DIP2C: variants seen among roughly 807,000 people sequenced by gnomAD.
DIP2C encodes DIP2 acetate--CoA ligase C (putative).
DIP2C carries 33 observed loss-of-function variants against 192.4 expected under a neutral mutation model. The ratio of observed to expected loss-of-function variants is 0.17; its 90% CI spans 0.13 to 0.23. The LOEUF (loss-of-function observed/expected upper bound fraction) is 0.23. Among genes scored for constraint, DIP2C ranks in the 10% least tolerant of loss-of-function variants. The pLI, the probability that DIP2C is intolerant of heterozygous loss-of-function variation, is 1.00. For missense variants in DIP2C, 1,537 were observed against 2,110.1 expected (o/e 0.73, Z 5.32); for synonymous variants, 979 against 864.1 (o/e 1.13, Z -2.33).
chr10:372,438 G>A (rs1473504759), intron 17 of DIP2C, among the ~76,000 whole-genome samples: 1 of 152,136 alleles, frequency 6.6e-6, no homozygotes, highest in African/African-American at 2.4e-5. Context: ...TTTAATAATT[G>A]AATATGTTAA....
intron 17 of DIP2C, among the ~76,000 whole-genome samples, chr10:377,146 T>C (rs1017195195): frequency 5.3e-5 from 8 of 151,860 alleles, no homozygotes; most frequent in Non-Finnish European, 1.2e-4. Flanking sequence ...GCGCAGTTTT[T>C]TTTTTTTTTT....
chr10:311,417 G>T, intron 31 of DIP2C: 3 of 874,654 alleles, frequency 3.4e-6, no homozygotes, highest in Non-Finnish European at 4.5e-6. Flanking sequence ...TGATCACAGG[G>T]CCTGCAGACC....
At chr10:457,061 T>TA (rs2133361538) in intron 3 of DIP2C, among the ~76,000 whole-genome samples, 1 of 152,316 alleles carries the variant, frequency 6.6e-6, no homozygotes, top group East Asian at 1.9e-4. Context: ...CACCTCCAAT[T>TA]ACGGCACAAT....
chr10:420,797 C>A (rs531096447), intron 5 of DIP2C, among the ~76,000 whole-genome samples: 1 of 152,180 alleles, frequency 6.6e-6, no homozygotes, highest in East Asian at 1.9e-4. Context: ...TGAGAGACTC[C>A]GTGACCTGAG....
rs777201665 is a variant in DIP2C at position 408,937 on chromosome 10, G to A, written c.1138C>T (p.Pro380Ser). The A allele has an allele frequency of 5.0e-6, 8 of 1,614,040 alleles. No homozygotes were observed. Among genetic ancestry groups the A allele is most frequent in the Non-Finnish European group, 6.8e-6 (8 of 1,180,034 alleles). ...LGTKQEPMVRPGDRVALVFPN... is the reference protein window; with the variant it reads ...LGTKQEPMVRSGDRVALVFPN... ...TAAGTTGCACTTACCCTATCTCCAGGCCGGACCATGGGTTCCTGCTTTGTG... is the reference window on the plus strand; with the variant it reads ...TAAGTTGCACTTACCCTATCTCCAGACCGGACCATGGGTTCCTGCTTTGTG... The change falls in exon 9 of 37, where the codon CCT becomes TCT. Residue 380 changes from proline to serine, a missense_variant. Around this residue, in one of 4 missense-constraint regions of DIP2C, gnomAD observed 473 missense variants for 539.6 expected, o/e 0.88. Transcript: ENST00000280886.
intron 1 of DIP2C, among the ~76,000 whole-genome samples, chr10:681,669 G>A (rs1378892935): frequency 6.6e-6 from 1 of 152,216 alleles, no homozygotes; most frequent in Non-Finnish European, 1.5e-5. Flanking sequence ...ACATGGTACA[G>A]CCACCATCTA....
At chr10:590,891 G>A (rs377026653) in intron 1 of DIP2C, among the ~76,000 whole-genome samples, 6 of 152,190 alleles carry the variant, frequency 3.9e-5, no homozygotes, top group African/African-American at 1.4e-4. Context: ...AGCAGTGACT[G>A]CACCAGCTTC....
rs1854856350 is a variant in DIP2C at position 636,546 on chromosome 10, C to T, written c.85+52948G>A. The stretch of plus-strand genomic sequence containing the variant: ...CTAAGAATAAAGGACCCTCTGCAGC[C>T]GCAGAACCATCATCGGCAGACAAGA... On this transcript the variant is annotated intron_variant, in intron 1 of 36. Transcript: ENST00000280886. The surrounding 1 kb of genome is among the most constrained non-coding windows in gnomAD (Gnocchi z 4.6). 2.0e-5 allele frequency among the ~76,000 whole-genome samples: 3 copies of T among 152,166 alleles called. No homozygotes were observed. The highest frequency in any genetic ancestry group is 4.1e-4 in the South Asian group (2 of 4,824).
intron 28 of DIP2C, among the ~76,000 whole-genome samples, chr10:342,054 C>G (rs1958175735): frequency 6.6e-6 from 1 of 152,170 alleles, no homozygotes; most frequent in Non-Finnish European, 1.5e-5. Context: ...ATGAGTAAAC[C>G]TCACTCAGAA....
Position 590,639 on chromosome 10 carries a change from G to A in DIP2C, c.85+98855C>T, listed in dbSNP as rs540968225. 3.9e-5 allele frequency among the ~76,000 whole-genome samples: 6 copies of A among 152,338 alleles called. No individual in the cohort carries two copies. The South Asian group carries it at 1.2e-3, about 32-fold the overall frequency. On this transcript the variant is annotated intron_variant, in intron 1 of 36. Transcript: ENST00000280886. Reference sequence around the variant, plus strand: ...TTACTACAATCTTTAAACAGAGCCAGAGGCCATAGTCTGCTCCTACACAAC... The same window carrying A: ...TTACTACAATCTTTAAACAGAGCCAAAGGCCATAGTCTGCTCCTACACAAC...
Position 388,872 on chromosome 10 carries a change from G to A in DIP2C, c.1598-1063C>T, listed in dbSNP as rs148723134. On this transcript the variant is annotated intron_variant, in intron 13 of 36. Coordinates refer to ENST00000280886, the MANE Select transcript of DIP2C (RefSeq NM_014974.3). The stretch of plus-strand genomic sequence containing the variant: ...GTGCCCTGTCAGGAGCCTGGTCAAG[G>A]GGATGTCAGGGAGCCTCAGGGGGTC... Among the ~76,000 whole-genome samples the A allele has an allele frequency of 5.2e-3, 787 of 152,346 alleles. 2 individuals carry two copies. The highest frequency in any genetic ancestry group is 0.014 in the Middle Eastern group (4 of 294).
chr10:502,584 G>A (rs1232903617), intron 1 of DIP2C, among the ~76,000 whole-genome samples: 4 of 152,030 alleles, frequency 2.6e-5, no homozygotes, highest in East Asian at 1.9e-4. Flanking sequence ...AAAAGCCTAC[G>A]TATAAAAATT....
intron 2 of DIP2C, among the ~76,000 whole-genome samples, chr10:480,406 C>G (rs1211562233): frequency 1.3e-5 from 2 of 151,056 alleles, no homozygotes; most frequent in East Asian, 3.9e-4. Flanking sequence ...CCAGCCTGAG[C>G]CCCAGTCCAC....
chr10:639,201 A>ACACATGGGGATGTG (rs1321652174), intron 1 of DIP2C, among the ~76,000 whole-genome samples: 3 of 10,414 alleles, frequency 2.9e-4, no homozygotes, highest in African/African-American at 3.0e-4. Context: ...GCGTCAGGCC[A>ACACATGGGGATGTG]TCAGGGTGCT....
rs180888065 is a variant in DIP2C, at chr10:412,557, A to G, written c.1057+1356T>C. On this transcript the variant is annotated intron_variant, in intron 8 of 36. Transcript: ENST00000280886. ...CACACTGTCCATTTAAAACTACTCA[A>G]TGAAGCCATAAAAGCAAAGGGGCTA... Among the ~76,000 whole-genome samples, 598 of 152,316 alleles carry G rather than the reference A, an allele frequency of 3.9e-3. 4 individuals are homozygous for G. Among genetic ancestry groups the G allele is most frequent in the Middle Eastern group, 0.017 (5 of 294 alleles).
intron 29 of DIP2C, among the ~76,000 whole-genome samples, chr10:333,221 C>T (rs555311317): frequency 3.0e-4 from 45 of 152,242 alleles, no homozygotes; most frequent in Admixed American, 4.6e-4. Flanking sequence ...TTAAAACACC[C>T]GTCGGCTTTA....
At chr10:430,902 T>C (rs1027873700) in intron 4 of DIP2C, among the ~76,000 whole-genome samples, 2 of 152,234 alleles carry the variant, frequency 1.3e-5, no homozygotes, top group African/African-American at 4.8e-5. Flanking sequence ...AGATGTAAGG[T>C]CTGTGACTAG....
chr10:649,659 G>A (rs924856022), intron 1 of DIP2C, among the ~76,000 whole-genome samples: 1 of 152,234 alleles, frequency 6.6e-6, no homozygotes, highest in Non-Finnish European at 1.5e-5. Flanking sequence ...TCGGAAGTCA[G>A]AACAGTGTGT....
intron 1 of DIP2C, among the ~76,000 whole-genome samples, chr10:601,638 A>G (rs1184708380): frequency 6.6e-6 from 1 of 152,218 alleles, no homozygotes. Flanking sequence ...GGAAGGCAAC[A>G]AAGTCTACCC....
Sources: gnomAD v4.1 joint callset for allele counts (sites outside exome capture counted in the v4.1 genomes callset) on GRCh38, gnomAD v4.1.1 for gene constraint, gnomAD v4.1.1 regional missense constraint, Gnocchi (gnomAD v3.1) non-coding constraint, MANE v1.5 for transcripts, NCBI Gene and HGNC (gene_info 2026-07-23, HGNC 2026-07-21) for gene names.